MEGF6: variants seen among roughly 807,000 people sequenced by gnomAD.
The protein encoded by MEGF6 is multiple EGF like domains 6, also known as multiple epidermal growth factor-like domains protein 6.
MEGF6 carries 184 observed loss-of-function variants against 207.1 expected under a neutral mutation model. That is an observed-to-expected ratio of 0.89 (90% CI 0.79 to 1.00). MEGF6 has a LOEUF of 1.00. Among genes scored for constraint, MEGF6 ranks in the 50% least tolerant of loss-of-function variants. The pLI, the probability that MEGF6 is intolerant of heterozygous loss-of-function variation, is 0.00. For synonymous variants in MEGF6, 1,038 were observed against 910.0 expected (o/e 1.14, Z -2.53); for missense variants, 2,282 against 2,202.9 (o/e 1.04, Z -0.72).
chr1:3,498,515 C>A lies in MEGF6; in HGVS notation c.3224-16G>T. On this transcript the variant is annotated splice_polypyrimidine_tract_variant and intron_variant, in intron 25 of 36. Coordinates refer to ENST00000356575, the MANE Select transcript of MEGF6 (RefSeq NM_001409.4). ...GGGAGGCACTCTACAGGAGCAGAGGCAGGCACGAGGGTGAGGGTCCTGCCT... is the reference window on the plus strand; with the variant it reads ...GGGAGGCACTCTACAGGAGCAGAGGAAGGCACGAGGGTGAGGGTCCTGCCT... 1.3e-6 allele frequency: 2 copies of A among 1,558,382 alleles called. No individual in the cohort carries two copies. The highest frequency in any genetic ancestry group is 8.7e-7 in the Non-Finnish European group (1 of 1,151,844).
intron 4 of MEGF6, among the ~76,000 whole-genome samples, chr1:3,558,062 G>C (rs2821063): frequency 1.3e-5 from 2 of 151,952 alleles, no homozygotes; most frequent in African/African-American, 4.8e-5. Context: ...CAGCCGGGCC[G>C]GTGGTCACGA....
At chr1:3,586,765 C>T (rs1370524074) in intron 3 of MEGF6, among the ~76,000 whole-genome samples, 1 of 152,218 alleles carries the variant, frequency 6.6e-6, no homozygotes, top group Non-Finnish European at 1.5e-5. Flanking sequence ...CCAGCAGGCC[C>T]AGCCAACCAG....
intron 4 of MEGF6, among the ~76,000 whole-genome samples, chr1:3,541,311 T>C (rs933034137): frequency 6.6e-6 from 1 of 152,162 alleles, no homozygotes; most frequent in Admixed American, 6.5e-5. Context: ...ATGACCACTC[T>C]TCCGGTTCAG....
chr1:3,495,172 G>A (rs1569931003), intron 30 of MEGF6, among the ~76,000 whole-genome samples: 1 of 152,200 alleles, frequency 6.6e-6, no homozygotes, highest in African/African-American at 2.4e-5. Context: ...TGTTACAGCC[G>A]GATGCCTGAT....
rs1642159179 is a variant in MEGF6, at chr1:3,531,300, A to C, written c.482-7054T>G. ...CGAGGACCAACCGCGCTGCGCCCTA[A>C]GCCGGCGGCCGGGCGACGGGGCAGG... On this transcript the variant is annotated intron_variant, in intron 4 of 36. Coordinates refer to ENST00000356575, the MANE Select transcript of MEGF6 (RefSeq NM_001409.4). 12 of 1,252,706 alleles carry C rather than the reference A, an allele frequency of 9.6e-6. No homozygotes were observed. The East Asian group carries it at 4.0e-4, about 42-fold the overall frequency. The allele number at this position is 1,252,706 out of a possible 1,614,324, so 77.6% of individuals were successfully genotyped here.
intron 20 of MEGF6, 64 bp downstream of exon 20, chr1:3,500,902 G>A: frequency 1.2e-6 from 2 of 1,608,074 alleles, no homozygotes; most frequent in South Asian, 1.1e-5. Flanking sequence ...CCTGGGCAGA[G>A]GCCTCTCCAG....
At chr1:3,563,579 G>A (rs1643263052) in intron 4 of MEGF6, among the ~76,000 whole-genome samples, 1 of 152,244 alleles carries the variant, frequency 6.6e-6, no homozygotes, top group Non-Finnish European at 1.5e-5. Context: ...AGACATTTTA[G>A]AAGAACGCAC....
intron 4 of MEGF6, chr1:3,531,370 CCCCGGGATCCGCTCCGCTCGGCGCCG>C: frequency 8.5e-7 from 1 of 1,181,664 alleles, no homozygotes. Context: ...GCAATCCCAG[CCCCGGGATCCGCTCCGCTCGGCGCCG>C]CCCGGGAGCC....
At chr1:3,601,240 G>C (rs1368986609) in intron 2 of MEGF6, among the ~76,000 whole-genome samples, 1 of 152,236 alleles carries the variant, frequency 6.6e-6, no homozygotes, top group East Asian at 1.9e-4. Context: ...ATGGCTTCTG[G>C]CTGCTTCTAG....
At position 3,565,153 on chromosome 1, in the gene MEGF6, C is replaced by G. The variant is rs1311856391; in HGVS notation, c.481+14672G>C. Among the ~76,000 whole-genome samples the G allele has an allele frequency of 1.3e-5, 2 of 152,102 alleles. No individual in the cohort carries two copies. Among genetic ancestry groups the G allele is most frequent in the Admixed American group, 1.3e-4 (2 of 15,278 alleles). On this transcript the variant is annotated intron_variant, in intron 4 of 36. Coordinates refer to ENST00000356575, the MANE Select transcript of MEGF6 (RefSeq NM_001409.4). The surrounding 1 kb of genome is among the most constrained non-coding windows in gnomAD (Gnocchi z 4.8). ...CATGAATGAAGCCCCCTAGGTACCC[C>G]CTTCTTACCCTGGAACCCCCTGCCT...
chr1:3,598,870 T>C (rs2821010), intron 2 of MEGF6, among the ~76,000 whole-genome samples: 23,052 of 151,074 alleles, frequency 0.15, 1,997 homozygotes, highest in Admixed American at 0.23. Flanking sequence ...CTCAGGGACC[T>C]TGCTCTGCAG....
At chr1:3,515,234 T>C (rs1013604605) in intron 6 of MEGF6, among the ~76,000 whole-genome samples, 168 bp downstream of exon 6, 2 of 152,176 alleles carry the variant, frequency 1.3e-5, no homozygotes, top group Non-Finnish European at 1.5e-5. Flanking sequence ...CCTATGGAAG[T>C]GAGGTGGCCC....
chr1:3,495,950 C>G lies in MEGF6; in HGVS notation c.3811G>C (p.Asp1271His). 1 of 1,589,966 alleles carries G rather than the reference C, an allele frequency of 6.3e-7. No individual in the cohort carries two copies. Among genetic ancestry groups the G allele is most frequent in the Admixed American group, 1.7e-5 (1 of 58,876 alleles). ...VCGCGQGAAC[D>H]PVTGTCLCPP... Reference sequence around the variant, plus strand: ...CAGAGGCAGGTGCCGGTCACAGGGTCGCAGGCCGCCCCCTGCCCACACCCA... The same window carrying G: ...CAGAGGCAGGTGCCGGTCACAGGGTGGCAGGCCGCCCCCTGCCCACACCCA... The change falls in exon 30 of 37, where the codon GAC (aspartate) becomes CAC (histidine). Residue 1271 changes from aspartate to histidine, a missense_variant. Transcript: ENST00000356575.
intron 4 of MEGF6, among the ~76,000 whole-genome samples, chr1:3,578,194 T>C (rs1195780203): frequency 6.6e-6 from 1 of 152,182 alleles, no homozygotes; most frequent in African/African-American, 2.4e-5. Context: ...AGGCTCTGCT[T>C]GGCCGACCAG....
upstream of MEGF6, among the ~76,000 whole-genome samples, chr1:3,613,572 G>A (rs1365943894): frequency 2.0e-5 from 3 of 152,190 alleles, no homozygotes; most frequent in African/African-American, 4.8e-5. Context: ...ATGACTCACT[G>A]TTTGAGAACA....
chr1:3,564,138 G>T (rs1312011613), intron 4 of MEGF6, among the ~76,000 whole-genome samples: 1 of 151,322 alleles, frequency 6.6e-6, no homozygotes, highest in Non-Finnish European at 1.5e-5. Flanking sequence ...ACTATGGCAG[G>T]GCTTTATAGG....
In MEGF6 at chr1:3,490,461, T is replaced by G; in HGVS notation, c.*67A>C. 6.4e-7 allele frequency: 1 copy of G among 1,558,968 alleles called. No homozygotes were observed. The highest frequency in any genetic ancestry group is 8.8e-7 in the Non-Finnish European group (1 of 1,136,124). ...TGGGCCCGTGAAGTGTCCTTCTCAG[T>G]GGTCACCAAAGGCCAGGGTCCCCTC... On this transcript the variant is annotated 3_prime_UTR_variant, in exon 37 of 37. Coordinates refer to ENST00000356575, the MANE Select transcript of MEGF6 (RefSeq NM_001409.4).
At chr1:3,520,503 C>T (rs1384315877) in intron 5 of MEGF6, among the ~76,000 whole-genome samples, 1 of 152,184 alleles carries the variant, frequency 6.6e-6, no homozygotes, top group Non-Finnish European at 1.5e-5. Context: ...CAGGCTTGGC[C>T]CCACCCTCGG....
chr1:3,510,681 C>T (rs367628932), intron 10 of MEGF6, 102 bp downstream of exon 10: 2 of 1,456,002 alleles, frequency 1.4e-6, no homozygotes, highest in African/African-American at 1.4e-5. Flanking sequence ...GCAGGCCGAC[C>T]CCATGCCCAC....
Sources: allele counts gnomAD v4.1 joint callset (sites outside exome capture counted in the v4.1 genomes callset), GRCh38; gene constraint gnomAD v4.1.1; non-coding constraint Gnocchi (gnomAD v3.1); transcripts MANE v1.5; gene names NCBI Gene and HGNC (gene_info 2026-07-23, HGNC 2026-07-21).